The following CCDC171 variants were observed in gnomAD, a reference collection of about 807,000 sequenced individuals.
CCDC171 encodes coiled-coil domain-containing protein 171.
Under a neutral mutation model 168.2 loss-of-function variants are expected in CCDC171, and 177 were observed. That is an observed-to-expected ratio of 1.05 (90% CI 0.93 to 1.19). The LOEUF (loss-of-function observed/expected upper bound fraction) is 1.19, where lower values mean the gene tolerates loss of function less well. CCDC171 is among the 50% of genes most tolerant of loss of function. The pLI, the probability that CCDC171 is intolerant of heterozygous loss-of-function variation, is 0.00. For missense variants in CCDC171, 1,991 were observed against 1,539.0 expected (o/e 1.29, Z -4.91); for synonymous variants, 687 against 540.8 (o/e 1.27, Z -3.75).
chr9:15,986,682 A>T (rs1832001605), intron 3 of CCDC171, among the ~76,000 whole-genome samples: 1 of 152,142 alleles, frequency 6.6e-6, no homozygotes, highest in Non-Finnish European at 1.5e-5. Context: ...TAGACATGGC[A>T]CTCTGTAAAA....
At chr9:15,924,400 A>C (rs1230158349) in intron 25 of CCDC171, among the ~76,000 whole-genome samples, 1 of 151,032 alleles carries the variant, frequency 6.6e-6, no homozygotes, top group Non-Finnish European at 1.5e-5. Flanking sequence ...CAGTCTAGTG[A>C]GAAGTGTTAA....
At chr9:15,992,161 C>A (rs1324771796) in intron 3 of CCDC171, among the ~76,000 whole-genome samples, 1 of 152,178 alleles carries the variant, frequency 6.6e-6, no homozygotes, top group African/African-American at 2.4e-5. Flanking sequence ...CCCTGATGAA[C>A]ATCGATGCAA....
chr9:15,916,073 A>G (rs892240578), intron 24 of CCDC171, among the ~76,000 whole-genome samples: 6 of 152,028 alleles, frequency 3.9e-5, no homozygotes, highest in African/African-American at 9.7e-5. Context: ...TAGGAATGAC[A>G]TAATAAATAG....
At chr9:16,001,030 T>C (rs553294305) in intron 3 of CCDC171, among the ~76,000 whole-genome samples, 2 of 152,310 alleles carry the variant, frequency 1.3e-5, no homozygotes, top group East Asian at 3.9e-4. Flanking sequence ...TGATTCACAG[T>C]AACCAAACTT....
chr9:15,626,101 C>G (rs925501968), intron 7 of CCDC171, among the ~76,000 whole-genome samples: 3 of 152,054 alleles, frequency 2.0e-5, no homozygotes, highest in African/African-American at 7.2e-5. Flanking sequence ...GAGTTCCACT[C>G]ATGATATGGC....
At chr9:15,690,062 A>G (rs1268272597) in intron 10 of CCDC171, among the ~76,000 whole-genome samples, 1 of 152,150 alleles carries the variant, frequency 6.6e-6, no homozygotes, top group Non-Finnish European at 1.5e-5. Context: ...CCATCTCAAA[A>G]CAACAAAAAC....
At chr9:15,925,065 T>A (rs577953342) in intron 25 of CCDC171, among the ~76,000 whole-genome samples, 2 of 151,622 alleles carry the variant, frequency 1.3e-5, no homozygotes, top group Non-Finnish European at 3.0e-5. Context: ...CTTGGAGATA[T>A]CATACGAACC....
intron 7 of CCDC171, among the ~76,000 whole-genome samples, chr9:15,649,962 C>G (rs547829056): frequency 6.6e-6 from 1 of 152,046 alleles, no homozygotes; most frequent in African/African-American, 2.4e-5. Flanking sequence ...ATGTTTATTG[C>G]GGCACTATTC....
At chr9:15,860,041 G>A (rs370869427) in intron 23 of CCDC171, among the ~76,000 whole-genome samples, 44 of 150,154 alleles carry the variant, frequency 2.9e-4, no homozygotes, top group Admixed American at 5.3e-4. Flanking sequence ...GAATTTATCC[G>A]TTTCTTCTAG....
At chr9:16,094,605 G>A in the CCDC171 span, among the ~76,000 whole-genome samples, 12 of 152,288 alleles carry the variant, frequency 7.9e-5, no homozygotes, top group East Asian at 2.3e-3. Context: ...TGGGAAAGTG[G>A]TAGGGATGTA....
chr9:16,008,743 A>G (rs1376844823), intron 3 of CCDC171, among the ~76,000 whole-genome samples: 2 of 152,300 alleles, frequency 1.3e-5, no homozygotes. Flanking sequence ...AGTAACATCT[A>G]ACACCATTTA....
At chr9:15,845,893 T>A (rs1161487780) in intron 21 of CCDC171, among the ~76,000 whole-genome samples, 1 of 152,118 alleles carries the variant, frequency 6.6e-6, no homozygotes, top group Non-Finnish European at 1.5e-5. Context: ...ATTGTGAGCT[T>A]CTGATTCTAA....
intron 1 of CCDC171, among the ~76,000 whole-genome samples, chr9:15,562,366 A>G (rs1037349774): frequency 6.6e-6 from 1 of 152,114 alleles, no homozygotes; most frequent in African/African-American, 2.4e-5. Flanking sequence ...TATATAATGT[A>G]ATCATAAGAG....
chr9:15,697,169 C>T (rs2051280225), intron 11 of CCDC171, among the ~76,000 whole-genome samples: 1 of 152,176 alleles, frequency 6.6e-6, no homozygotes, highest in African/African-American at 2.4e-5. Context: ...TGTTTATTTC[C>T]TCTGCTTCCT....
chr9:15,740,381 G>T, intron 16 of CCDC171, among the ~76,000 whole-genome samples: 1 of 116,764 alleles, frequency 8.6e-6, no homozygotes, highest in Non-Finnish European at 1.9e-5. Context: ...TGTTCCATTG[G>T]TCTTTTTTTT....
chr9:15,669,127 CTG>C (rs1554748568), intron 9 of CCDC171, among the ~76,000 whole-genome samples: 3 of 152,030 alleles, frequency 2.0e-5, no homozygotes, highest in Non-Finnish European at 4.4e-5. Flanking sequence ...AGAAAAAAAG[CTG>C]TGTGTATATT....
intron 6 of CCDC171, among the ~76,000 whole-genome samples, chr9:15,595,978 C>T (rs1460093221): frequency 1.3e-5 from 2 of 152,120 alleles, no homozygotes; most frequent in Non-Finnish European, 2.9e-5. Flanking sequence ...ATCCTTCGCC[C>T]ACTTGTTGAT....
chr9:15,677,666 A>G (rs896378773), intron 9 of CCDC171, among the ~76,000 whole-genome samples: 2 of 151,140 alleles, frequency 1.3e-5, no homozygotes, highest in Admixed American at 6.6e-5. Context: ...CTTTCATTAT[A>G]TGTTCATACA....
At chr9:15,637,147 T>C (rs185612771) in intron 7 of CCDC171, among the ~76,000 whole-genome samples, 6 of 152,188 alleles carry the variant, frequency 3.9e-5, no homozygotes, top group Admixed American at 1.3e-4. Flanking sequence ...TCCTAGCTGC[T>C]CTGGAGGCTG....
Sources: gnomAD v4.1 joint callset for allele counts (sites outside exome capture counted in the v4.1 genomes callset) on GRCh38, gnomAD v4.1.1 for gene constraint, MANE v1.5 for transcripts, NCBI Gene and HGNC (gene_info 2026-07-23, HGNC 2026-07-21) for gene names.